The following DDX42 variants were observed in gnomAD, a reference collection of about 807,000 sequenced individuals.
DDX42 encodes ATP-dependent RNA helicase DDX42.
In DDX42, 22 loss-of-function variants were observed where a neutral mutation model predicts 101.5. The ratio of observed to expected loss-of-function variants is 0.22; its 90% CI spans 0.15 to 0.31. The LOEUF is 0.31. DDX42 is among the 10% of genes least tolerant of loss of function. The probability of loss-of-function intolerance (pLI) is 1.00; values close to 1 mark genes in which losing one functional copy is unlikely to be tolerated. For synonymous variants in DDX42, 402 were observed against 401.2 expected (o/e 1.00, Z -0.02); for missense variants, 849 against 1,199.9 (o/e 0.71, Z 4.32).
chr17:63,779,864 C>T (rs994995154), intron 1 of DDX42, among the ~76,000 whole-genome samples: 15 of 152,126 alleles, frequency 9.9e-5, no homozygotes, highest in Non-Finnish European at 1.9e-4. Context: ...AGGCGTAAGC[C>T]ACTGCATCTG....
chr17:63,810,456 C>T (rs2039896414), intron 11 of DDX42, 57 bp from the exon 12 acceptor site: 3 of 1,574,768 alleles, frequency 1.9e-6, no homozygotes, highest in Non-Finnish European at 2.6e-6. Context: ...TGGCTTTTTC[C>T]AGGCTTCCCA....
intron 1 of DDX42, chr17:63,775,917 C>G (rs1182866144): frequency 6.6e-6 from 1 of 152,170 alleles, no homozygotes; most frequent in Non-Finnish European, 1.5e-5. Flanking sequence ...CTCTTAGTTG[C>G]TTTAAGCTGA....
rs1292801466 is a variant in DDX42 at position 63,789,547 on chromosome 17, TTTTTTGTTTTTG to T, written c.221+2295_221+2306del. On this transcript the variant is annotated intron_variant, in intron 2 of 17. Coordinates refer to ENST00000389924, the MANE Select transcript of DDX42 (RefSeq NM_203499.3). ...TTGGAAAAAAAAGCTTCTAAAAGACTTTTTTGTTTTTGTTTTTGTTTTTGTTTTTTTTTTTTT... is the reference window on the plus strand; with the variant it reads ...TTGGAAAAAAAAGCTTCTAAAAGACTTTTTTGTTTTTGTTTTTTTTTTTTT... 6.3e-4 allele frequency among the ~76,000 whole-genome samples: 12 copies of T among 18,986 alleles called. No individual in the cohort carries two copies. In the East Asian group the frequency reaches 6.4e-3, roughly 10 times the overall value. 12.5% of individuals were successfully genotyped at this position (18,986 alleles called of 152,430 possible).
intron 6 of DDX42, among the ~76,000 whole-genome samples, chr17:63,802,267 T>C (rs2039780376): frequency 6.6e-6 from 1 of 152,232 alleles, no homozygotes; most frequent in African/African-American, 2.4e-5. Flanking sequence ...GCTACATGTC[T>C]TTTTATTCTG....
chr17:63,776,963 C>T (rs58668835), intron 1 of DDX42, among the ~76,000 whole-genome samples: 2,562 of 152,228 alleles, frequency 0.017, 71 homozygotes, highest in African/African-American at 0.058. Context: ...GGTTGGAGTG[C>T]AGTGGTCCAG....
At chr17:63,798,187 A>T (rs1381687030) in intron 4 of DDX42, 88 bp downstream of exon 4, 1 of 1,213,142 alleles carries the variant, frequency 8.2e-7, no homozygotes, top group Non-Finnish European at 1.2e-6. Context: ...ATAGAGAAAA[A>T]ATATTGACGT....
In DDX42 at chr17:63,792,434, G is replaced by A. The variant is rs2144548141; in HGVS notation, c.244G>A (p.Asp82Asn). ...ENAYFEDEEE[D>N]SSNVDLPYIP... ...CAGCTATTTTGAAGATGAGGAAGAA[G>A]ATTCTAGCAACGTTGATTTACCTTA... The change falls in exon 3 of 18, where the codon GAT becomes AAT. Residue 82 changes from aspartate (D) to asparagine (N), a missense_variant. Transcript: ENST00000389924. 6.2e-7 allele frequency: 1 copy of A among 1,612,568 alleles called. No homozygotes were observed. Among genetic ancestry groups the A allele is most frequent in the East Asian group, 2.2e-5 (1 of 44,824 alleles).
In DDX42 at chr17:63,808,810, A is replaced by C. The variant is rs1175422104; in HGVS notation, c.1024-10A>C. On this transcript the variant is annotated splice_polypyrimidine_tract_variant and intron_variant, in intron 9 of 17. Transcript: ENST00000389924. ...CACAGTTTGTTAATATATTATTCACAACTTTGTAGATCCATGCAGAATGTA... is the reference window on the plus strand; with the variant it reads ...CACAGTTTGTTAATATATTATTCACCACTTTGTAGATCCATGCAGAATGTA... 1 of 1,613,556 alleles carries C rather than the reference A, an allele frequency of 6.2e-7. No homozygotes were observed. The highest frequency in any genetic ancestry group is 8.5e-7 in the Non-Finnish European group (1 of 1,179,704).
chr17:63,792,080 A>G (rs934461210), intron 2 of DDX42, among the ~76,000 whole-genome samples: 1 of 151,514 alleles, frequency 6.6e-6, no homozygotes, highest in East Asian at 1.9e-4. Context: ...TTCCCATAGC[A>G]CAGCTCTTTA....
intron 2 of DDX42, among the ~76,000 whole-genome samples, chr17:63,789,553 GTTTTTGTTTTTGTTTTTGTTT>G (rs2039596155): frequency 3.8e-4 from 11 of 28,642 alleles, no homozygotes; most frequent in East Asian, 3.0e-3. Context: ...AGACTTTTTT[GTTTTTGTTTTTGTTTTTGTTT>G]TTTTTTTTTT....
chr17:63,776,382 CTG>C (rs2039421207), intron 1 of DDX42: 1 of 152,362 alleles, frequency 6.6e-6, no homozygotes, highest in Admixed American at 6.5e-5. Context: ...GCTTCTGACT[CTG>C]TTATGACACT....
Position 63,813,448 on chromosome 17 carries a change from A to T in DDX42, c.1896A>T (p.Ala632=). ...QHVSKELLDL[A]MQNAWFRKSR... ...TTTCTAAGGAACTCCTAGATCTGGC[A>T]ATGCAGGTGAGGGGCTGGGCACACT... The change falls in exon 15 of 18, where the codon GCA becomes GCT. Residue 632 remains alanine, a synonymous_variant. Coordinates refer to ENST00000389924, the MANE Select transcript of DDX42 (RefSeq NM_203499.3). The T allele has an allele frequency of 1.9e-6, 3 of 1,613,838 alleles. No homozygotes were observed. Among genetic ancestry groups the T allele is most frequent in the Non-Finnish European group, 2.5e-6 (3 of 1,179,814 alleles).
intron 2 of DDX42, 22 bp downstream of exon 2, chr17:63,787,292 T>C (rs2039558832): frequency 6.2e-7 from 1 of 1,611,340 alleles, no homozygotes; most frequent in South Asian, 1.1e-5. Context: ...TTCCTGGTAG[T>C]GTAGCAAAGT....
intron 11 of DDX42, 196 bp from the exon 12 acceptor site, chr17:63,810,317 C>T: frequency 5.4e-6 from 2 of 371,162 alleles, no homozygotes; most frequent in Admixed American, 4.7e-5. Flanking sequence ...CTGCGAACTC[C>T]TGACCTCAAG....
chr17:63,782,202 C>T (rs1212429634), intron 1 of DDX42, among the ~76,000 whole-genome samples: 1 of 152,080 alleles, frequency 6.6e-6, no homozygotes, highest in South Asian at 2.1e-4. Context: ...TGCTTGAACT[C>T]AGGAGGCGGA....
At chr17:63,817,571 A>G in intron 17 of DDX42, 123 bp from the exon 18 acceptor site, 1 of 906,650 alleles carries the variant, frequency 1.1e-6, no homozygotes, top group Non-Finnish European at 1.7e-6. Context: ...GGCCATCAGG[A>G]CACTAAACTC....
intron 6 of DDX42, among the ~76,000 whole-genome samples, chr17:63,803,383 G>C (rs952934086): frequency 1.3e-5 from 2 of 151,890 alleles, no homozygotes; most frequent in Non-Finnish European, 2.9e-5. Context: ...GAGGGCAGGA[G>C]TTTGAGACCA....
At chr17:63,800,311 T>C in intron 5 of DDX42, 157 bp from the exon 6 acceptor site, 1 of 591,862 alleles carries the variant, frequency 1.7e-6, no homozygotes, top group Non-Finnish European at 2.9e-6. Flanking sequence ...TTCTGAATAT[T>C]GCTATTATTA....
intron 16 of DDX42, among the ~76,000 whole-genome samples, chr17:63,816,199 C>G (rs1275706992): frequency 6.6e-6 from 1 of 152,192 alleles, no homozygotes. Flanking sequence ...CCTTTCTTAA[C>G]TGCCTGTTTT....
Sources: allele counts gnomAD v4.1 joint callset (sites outside exome capture counted in the v4.1 genomes callset), GRCh38; gene constraint gnomAD v4.1.1; transcripts MANE v1.5; gene names NCBI Gene and HGNC (gene_info 2026-07-23, HGNC 2026-07-21).